TRIM58: variants seen among roughly 807,000 people sequenced by gnomAD.
TRIM58 encodes tripartite motif containing 58.
Under a neutral mutation model 34.1 loss-of-function variants are expected in TRIM58, and 38 were observed. The ratio of observed to expected loss-of-function variants is 1.12; its 90% CI spans 0.86 to 1.46. The LOEUF (loss-of-function observed/expected upper bound fraction) is 1.46, where lower values mean the gene tolerates loss of function less well. Ranked by LOEUF, TRIM58 falls within the 40% of genes most tolerant of loss-of-function variation. The pLI, the probability that TRIM58 is intolerant of heterozygous loss-of-function variation, is 0.00. For synonymous variants in TRIM58, 273 were observed against 275.7 expected, an observed-to-expected ratio of 0.99 and a Z score of 0.10; for missense variants, 677 against 642.0, an observed-to-expected ratio of 1.05 and a Z score of -0.59.
At position 247,867,801 on chromosome 1, in the gene TRIM58, C is replaced by G. The variant is rs147541167; in HGVS notation, c.748-44C>G. 4.3e-6 allele frequency: 7 copies of G among 1,613,286 alleles called. No homozygotes were observed. The East Asian group carries it at 1.6e-4, about 36-fold the overall frequency. ...GGGTCTTCAGTCTGACTGTGAAAAG[C>G]AGTTCAGAGTCCAACTCACACTGTG... On this transcript the variant is annotated intron_variant, in intron 3 of 5. Coordinates refer to ENST00000366481, the MANE Select transcript of TRIM58 (RefSeq NM_015431.4).
chr1:247,864,910 A>T lies in TRIM58; in HGVS notation c.722A>T (p.Gln241Leu). ...ELADELQERC[Q>L]RPALGLLEGV... Reference sequence around the variant, plus strand: ...GCGGATGAGCTGCAGGAGAGGTGCCAGCGCCCGGCCCTGGGTCTGCTGGAG... The same window carrying T: ...GCGGATGAGCTGCAGGAGAGGTGCCTGCGCCCGGCCCTGGGTCTGCTGGAG... The change falls in exon 3 of 6, where the codon CAG becomes CTG. Residue 241 changes from glutamine (Q) to leucine (L), a missense_variant. Transcript: ENST00000366481. 6.3e-7 allele frequency: 1 copy of T among 1,592,888 alleles called. No homozygotes were observed. Among genetic ancestry groups the T allele is most frequent in the Non-Finnish European group, 8.5e-7 (1 of 1,170,802 alleles).
rs1166847369 is a variant in TRIM58, at chr1:247,878,256, C to G, written c.*1767C>G. 2 of 152,020 alleles carry G rather than the reference C, an allele frequency of 1.3e-5. No individual in the cohort carries two copies. Among genetic ancestry groups the G allele is most frequent in the Non-Finnish European group, 2.9e-5 (2 of 67,992 alleles). The allele number at this position is 152,020 out of a possible 1,614,324, so 9.4% of individuals were successfully genotyped here. ...TAAATGGTAAATGCTTCAATGCTAA[C>G]CAAATATTAATTAATGGCAAATTAT... On this transcript the variant is annotated 3_prime_UTR_variant, in exon 6 of 6. Coordinates refer to ENST00000366481, the MANE Select transcript of TRIM58 (RefSeq NM_015431.4).
At position 247,875,931 on chromosome 1, in the gene TRIM58, C is replaced by T; in HGVS notation, c.903C>T (p.His301=). 6.2e-7 allele frequency: 1 copy of T among 1,613,590 alleles called. No homozygotes were observed. Among genetic ancestry groups the T allele is most frequent in the East Asian group, 2.2e-5 (1 of 44,872 alleles). ...VDVKLDPATA[H]PSLLLTADLR... ...TAAAGCTGGATCCCGCCACGGCGCA[C>T]CCGAGTCTGCTCTTGACCGCCGACC... The change falls in exon 6 of 6, where the codon CAC becomes CAT. Residue 301 remains histidine (H), a synonymous_variant. Coordinates refer to ENST00000366481, the MANE Select transcript of TRIM58 (RefSeq NM_015431.4).
intron 5 of TRIM58, among the ~76,000 whole-genome samples, chr1:247,873,760 G>A (rs1659202630): frequency 6.6e-6 from 1 of 152,098 alleles, no homozygotes; most frequent in Admixed American, 6.5e-5. Context: ...TTGAACCCAG[G>A]AGTTCGAGAC....
chr1:247,870,941 C>T (rs111865647), intron 5 of TRIM58, among the ~76,000 whole-genome samples: 2 of 81,630 alleles, frequency 2.5e-5, no homozygotes, highest in Non-Finnish European at 4.5e-5. Context: ...TGCACCACCA[C>T]GCCCAGAAGA....
chr1:247,857,611 C>T lies in TRIM58; in HGVS notation c.365C>T (p.Pro122Leu). The change falls in exon 1 of 6, where the codon CCC (proline) becomes CTC (leucine). Residue 122 changes from proline (P) to leucine (L), a missense_variant. Physicochemically the swap from Pro to Leu is moderately conservative, Grantham distance 98. Coordinates refer to ENST00000366481, the MANE Select transcript of TRIM58 (RefSeq NM_015431.4). Reference protein sequence around the residue: ...AALCWVCDAGPEHRTHRTAPL... With the variant: ...AALCWVCDAGLEHRTHRTAPL... ...CTGTGCTGGGTGTGCGACGCCGGCC[C>T]CGAGCACAGGACGCACCGCACGGCG... 8.0e-7 allele frequency: 1 copy of T among 1,257,662 alleles called. No homozygotes were observed. Among genetic ancestry groups the T allele is most frequent in the South Asian group, 3.1e-5 (1 of 32,454 alleles). The allele number at this position is 1,257,662 out of a possible 1,614,324, so 77.9% of individuals were successfully genotyped here.
At chr1:247,863,525 G>A (rs968656232) in intron 2 of TRIM58, among the ~76,000 whole-genome samples, 5 of 151,302 alleles carry the variant, frequency 3.3e-5, no homozygotes, top group East Asian at 1.9e-4. Flanking sequence ...GTGACAGAGC[G>A]AGACTCTGTC....
At position 247,875,879 on chromosome 1, in the gene TRIM58, TCCAC is replaced by T. The variant is rs1659272093; in HGVS notation, c.872-19_872-16del. 6.3e-7 allele frequency: 1 copy of T among 1,588,898 alleles called. No individual in the cohort carries two copies. Among genetic ancestry groups the T allele is most frequent in the Non-Finnish European group, 8.6e-7 (1 of 1,166,234 alleles). On this transcript the variant is annotated splice_polypyrimidine_tract_variant and intron_variant, in intron 5 of 5. Transcript: ENST00000366481. ...CAGTCCTTTCTTTCCTTTCACCTGGTCCACCACATTCTTTCCGCAGTGGATGTAA... is the reference window on the plus strand; with the variant it reads ...CAGTCCTTTCTTTCCTTTCACCTGGTCACATTCTTTCCGCAGTGGATGTAA...
At chr1:247,867,706 A>G in intron 3 of TRIM58, 139 bp from the exon 4 acceptor site, 1 of 1,023,560 alleles carries the variant, frequency 9.8e-7, no homozygotes, top group East Asian at 2.4e-5. Flanking sequence ...AAAAATAGAA[A>G]AGAGATTTAT....
At chr1:247,868,456 G>A (rs1663980151) in intron 5 of TRIM58, among the ~76,000 whole-genome samples, 2 of 152,088 alleles carry the variant, frequency 1.3e-5, no homozygotes, top group South Asian at 2.1e-4. Context: ...AAATGTGTGG[G>A]GATTTCTCTC....
chr1:247,857,755 T>C, intron 1 of TRIM58, 89 bp downstream of exon 1: 1 of 1,193,622 alleles, frequency 8.4e-7, no homozygotes, highest in Non-Finnish European at 1.0e-6. Flanking sequence ...GCCACCCGTC[T>C]CCTGAGCGGC....
rs200832458 is a variant in TRIM58 at position 247,860,700 on chromosome 1, T to C, written c.504T>C (p.Thr168=). 6.2e-7 allele frequency: 1 copy of C among 1,613,214 alleles called. No individual in the cohort carries two copies. Among genetic ancestry groups the C allele is most frequent in the Non-Finnish European group, 8.5e-7 (1 of 1,179,398 alleles). The change falls in exon 2 of 6, where the codon ACT becomes ACC. Residue 168 remains threonine (T), a synonymous_variant. Transcript: ENST00000366481. ...AGGAGGCCAACGTGGGGAAAAAGAC[T>C]GTCATTTGGAAGGTAAGACCATGTT... ...LTQEANVGKK[T]VIWKEKVEMQ...
In TRIM58 at chr1:247,857,406, G is replaced by T. The variant is rs1282377943; in HGVS notation, c.160G>T (p.Val54Phe). ...GAAGTCGGACGGCGCGCAGGGCGGC[G>T]TCTACGCCTGTCCGCAGTGCCGGGG... ...CEKSDGAQGGVYACPQCRGPF... is the reference protein window; with the variant it reads ...CEKSDGAQGGFYACPQCRGPF... The change falls in exon 1 of 6, where the codon GTC becomes TTC. Residue 54 changes from valine (V) to phenylalanine (F), a missense_variant. Val to Phe is a conservative substitution (Grantham distance 50). Coordinates refer to ENST00000366481, the MANE Select transcript of TRIM58 (RefSeq NM_015431.4). 3.3e-6 allele frequency: 5 copies of T among 1,509,138 alleles called. No homozygotes were observed. The highest frequency in any genetic ancestry group is 4.4e-6 in the Non-Finnish European group (5 of 1,126,812). 93.5% of individuals were successfully genotyped at this position (1,509,138 alleles called of 1,614,324 possible).
At chr1:247,864,231 A>G (rs1362389499) in intron 2 of TRIM58, among the ~76,000 whole-genome samples, 1 of 151,976 alleles carries the variant, frequency 6.6e-6, no homozygotes, top group Non-Finnish European at 1.5e-5. Context: ...TGCAGCCTCG[A>G]GCTCTTAGAC....
Position 247,857,643 on chromosome 1 carries a change from C to T in TRIM58, c.397C>T (p.Gln133Ter). Reference sequence around the variant, plus strand: ...CAGGACGCACCGCACGGCGCCGCTGCAGGAGGCCGCCGGCAGCTACCAGGT... The same window carrying T: ...CAGGACGCACCGCACGGCGCCGCTGTAGGAGGCCGCCGGCAGCTACCAGGT... ...EHRTHRTAPL[Q>*]EAAGSYQVKL... Residue 133 changes from glutamine (Q) to a stop codon, truncating the protein, a stop_gained, in exon 1 of 6, where the codon CAG becomes TAG. Transcript: ENST00000366481. LOFTEE classifies it high-confidence loss of function. The T allele has an allele frequency of 8.1e-7, 1 of 1,235,318 alleles. No homozygotes were observed. Among genetic ancestry groups the T allele is most frequent in the Non-Finnish European group, 1.0e-6 (1 of 989,930 alleles). The allele number at this position is 1,235,318 out of a possible 1,614,324, so 76.5% of individuals were successfully genotyped here.
chr1:247,879,879 C>T lies in TRIM58; in HGVS notation c.*3390C>T, dbSNP rs1184524552. Among the ~76,000 whole-genome samples, 1 of 151,978 alleles carries T rather than the reference C, an allele frequency of 6.6e-6. No homozygotes were observed. Among genetic ancestry groups the T allele is most frequent in the Non-Finnish European group, 1.5e-5 (1 of 68,006 alleles). The stretch of plus-strand genomic sequence containing the variant: ...AGAGCCCATCTAGAGCTCACCTTTC[C>T]AGTCGCCCTTGCCAGGCTCAGTGGA... On this transcript the variant is annotated 3_prime_UTR_variant, in exon 6 of 6. Coordinates refer to ENST00000366481, the MANE Select transcript of TRIM58 (RefSeq NM_015431.4).
At chr1:247,862,204 A>G (rs1663809190) in intron 2 of TRIM58, among the ~76,000 whole-genome samples, 1 of 152,150 alleles carries the variant, frequency 6.6e-6, no homozygotes, top group Non-Finnish European at 1.5e-5. Flanking sequence ...GAAAGGATAA[A>G]AGTTATCAAT....
In TRIM58 at chr1:247,876,398, T is replaced by C; in HGVS notation, c.1370T>C (p.Ile457Thr). Residue 457 changes from isoleucine to threonine, a missense_variant, in exon 6 of 6, where the codon ATC becomes ACC. Transcript: ENST00000366481. Reference protein sequence around the residue: ...YFFICDATPLILPPTTIAGSG... With the variant: ...YFFICDATPLTLPPTTIAGSG... ...TTCATCTGTGATGCAACTCCTCTTA[T>C]CTTGCCACCCACAACAATAGCAGGG... 1 of 1,614,232 alleles carries C rather than the reference T, an allele frequency of 6.2e-7. No individual in the cohort carries two copies. Among genetic ancestry groups the C allele is most frequent in the Middle Eastern group, 1.6e-4 (1 of 6,062 alleles).
At chr1:247,875,316 G>T (rs1249102229) in intron 5 of TRIM58, among the ~76,000 whole-genome samples, 1 of 151,936 alleles carries the variant, frequency 6.6e-6, no homozygotes, top group African/African-American at 2.4e-5. Context: ...AATTCCTAAG[G>T]GGTTTATAAA....
Sources: allele counts gnomAD v4.1 joint callset (sites outside exome capture counted in the v4.1 genomes callset), GRCh38; gene constraint gnomAD v4.1.1; transcripts MANE v1.5; gene names NCBI Gene and HGNC (gene_info 2026-07-23, HGNC 2026-07-21).